The following AMZ1 variants were observed in gnomAD, a reference collection of about 807,000 sequenced individuals.
The protein encoded by AMZ1 is archaelysin family metallopeptidase 1.
In AMZ1, 39 loss-of-function variants were observed where a neutral mutation model predicts 29.9. That is an observed-to-expected ratio of 1.30 (90% CI 1.01 to 1.70). The LOEUF is 1.70. Ranked by LOEUF, AMZ1 falls within the 40% of genes most tolerant of loss-of-function variation. AMZ1 has a pLI of 0.00. For missense variants in AMZ1, 1,041 were observed against 680.6 expected (o/e 1.53, Z -5.89); for synonymous variants, 458 against 304.0 (o/e 1.51, Z -5.27).
Position 2,748,987 on chromosome 7 carries a change from T to C in AMZ1, n.551-15725T>C, listed in dbSNP as rs527285874. On this transcript the variant is annotated intron_variant and non_coding_transcript_variant, in intron 4 of 4. Transcript: ENST00000489665. ...TGCCATTTCACACCAGTTAGAATGG[T>C]GATCATTAAAAAGTCAGGAAACAAC... Among the ~76,000 whole-genome samples, 1,460 of 152,164 alleles carry C rather than the reference T, an allele frequency of 9.6e-3. 13 individuals are homozygous for C. Among genetic ancestry groups the C allele is most frequent in the Middle Eastern group, 0.075 (22 of 294 alleles).
intron 1 of AMZ1, among the ~76,000 whole-genome samples, chr7:2,694,200 C>T (rs1046767649): frequency 8.5e-5 from 13 of 152,220 alleles, no homozygotes; most frequent in African/African-American, 3.1e-4. Flanking sequence ...ACCTTCCAAT[C>T]CCTCCAGACC....
chr7:2,737,289 G>GTTTTTTTTTTTTTTTTTTTTTTTTTTT (rs11389467), intron 4 of AMZ1, among the ~76,000 whole-genome samples: 4 of 62,314 alleles, frequency 6.4e-5, no homozygotes, highest in Non-Finnish European at 9.7e-5. Flanking sequence ...TTTTTTTTTT[G>GTTTTTTTTTTTTTTTTTTTTTTTTTTT]TTTTTTTTTT....
upstream of AMZ1, among the ~76,000 whole-genome samples, chr7:2,686,157 T>C (rs1441450119): frequency 6.6e-6 from 1 of 152,138 alleles, no homozygotes; most frequent in African/African-American, 2.4e-5. Context: ...ACCATCAGGG[T>C]GTGGAGACGG....
rs9648271 is a variant in AMZ1, at chr7:2,714,451, G to A, written c.*1573G>A. 51,881 of 152,132 alleles carry A rather than the reference G, an allele frequency of 0.34. 9,443 individuals carry two copies. Among genetic ancestry groups the A allele is most frequent in the African/African-American group, 0.47 (19,360 of 41,432 alleles). The allele number at this position is 152,132 out of a possible 1,614,324, so 9.4% of individuals were successfully genotyped here. A position where few individuals can be genotyped will look rare whatever the true frequency, so the allele number is the denominator to read the frequency against. ...GCTCAGAAGTAGCATTAGGATCTTCGTCCCGTTCTCTTTTGCGTAGCTTCA... is the reference window on the plus strand; with the variant it reads ...GCTCAGAAGTAGCATTAGGATCTTCATCCCGTTCTCTTTTGCGTAGCTTCA... On this transcript the variant is annotated 3_prime_UTR_variant, in exon 7 of 7. Coordinates refer to ENST00000683327, the MANE Select transcript of AMZ1 (RefSeq NM_001384743.1).
chr7:2,710,586 A>G (rs1229107764), intron 6 of AMZ1, among the ~76,000 whole-genome samples: 1 of 152,150 alleles, frequency 6.6e-6, no homozygotes, highest in Non-Finnish European at 1.5e-5. Context: ...CTTCTGGGGT[A>G]GAGTGAGGAG....
intron 1 of AMZ1, among the ~76,000 whole-genome samples, chr7:2,698,903 C>T (rs946965745): frequency 6.6e-6 from 1 of 152,168 alleles, no homozygotes; most frequent in African/African-American, 2.4e-5. Flanking sequence ...ATAGCTGTTT[C>T]TGGTTTTCCG....
At chr7:2,735,653 T>C (rs1171025271) in intron 4 of AMZ1, among the ~76,000 whole-genome samples, 2 of 152,228 alleles carry the variant, frequency 1.3e-5, no homozygotes. Flanking sequence ...TTCTCCACGA[T>C]GACTGAATGA....
In AMZ1 at chr7:2,712,261, C is replaced by G; in HGVS notation, c.949-69C>G. 6 of 1,462,874 alleles carry G rather than the reference C, an allele frequency of 4.1e-6. No individual in the cohort carries two copies. The South Asian group carries it at 8.6e-5, about 21-fold the overall frequency. 90.6% of individuals were successfully genotyped at this position (1,462,874 alleles called of 1,614,324 possible). A position where few individuals can be genotyped will look rare whatever the true frequency, so the allele number is the denominator to read the frequency against. The stretch of plus-strand genomic sequence containing the variant: ...GTGGGGTCCCCTTAGGTAAGGAGGT[C>G]TCCTGGCAGTTCCCTGGCTAGACAA... On this transcript the variant is annotated intron_variant, in intron 6 of 6. Transcript: ENST00000683327.
At chr7:2,756,857 G>C (rs1159866803) in intron 4 of AMZ1, among the ~76,000 whole-genome samples, 2 of 152,058 alleles carry the variant, frequency 1.3e-5, no homozygotes, top group South Asian at 2.1e-4. Context: ...AGGATCCCTT[G>C]AGCCCAGGCC....
chr7:2,745,318 C>A (rs1379815319), intron 4 of AMZ1, among the ~76,000 whole-genome samples: 1 of 152,244 alleles, frequency 6.6e-6, no homozygotes, highest in Non-Finnish European at 1.5e-5. Flanking sequence ...AACAGCTGAT[C>A]TCTTGGCAGA....
At chr7:2,755,300 C>T (rs1439664554) in intron 4 of AMZ1, among the ~76,000 whole-genome samples, 2 of 152,332 alleles carry the variant, frequency 1.3e-5, no homozygotes, top group East Asian at 3.9e-4. Flanking sequence ...AAAGATCTTG[C>T]TGCGATTTTC....
chr7:2,745,493 C>T (rs904667394), intron 4 of AMZ1, among the ~76,000 whole-genome samples: 4 of 152,186 alleles, frequency 2.6e-5, no homozygotes, highest in Non-Finnish European at 4.4e-5. Flanking sequence ...ACCACCAGGC[C>T]TGCCCTAAAA....
chr7:2,682,643 C>T (rs1786924972), intron 1 of AMZ1, among the ~76,000 whole-genome samples: 1 of 152,160 alleles, frequency 6.6e-6, no homozygotes, highest in Non-Finnish European at 1.5e-5. Context: ...CCTACTGCAC[C>T]CAGGAGACCT....
intron 4 of AMZ1, chr7:2,733,422 A>G (rs1790001241): frequency 6.2e-7 from 1 of 1,607,518 alleles, no homozygotes; most frequent in South Asian, 1.1e-5. Context: ...CCTGGAGCCC[A>G]GCTTCTTCGG....
At chr7:2,708,560 A>C (rs1445957434) in intron 3 of AMZ1, 28 bp from the exon 4 acceptor site, 4 of 1,610,362 alleles carry the variant, frequency 2.5e-6, no homozygotes, top group Non-Finnish European at 2.5e-6. Context: ...CTGCCTCCTG[A>C]CCCCATCCTC....
intron 4 of AMZ1, among the ~76,000 whole-genome samples, chr7:2,735,088 C>G (rs1790097932): frequency 6.8e-6 from 1 of 147,940 alleles, no homozygotes; most frequent in South Asian, 2.2e-4. Context: ...CAGGAAGCAG[C>G]TGGGAGAAGC....
chr7:2,710,004 C>G (rs897278477), intron 6 of AMZ1, among the ~76,000 whole-genome samples, 188 bp downstream of exon 6: 7 of 152,198 alleles, frequency 4.6e-5, no homozygotes, highest in East Asian at 3.9e-4. Flanking sequence ...GGCAGTAGAT[C>G]GAGTCCTGCC....
chr7:2,694,496 A>G (rs1037683364), intron 1 of AMZ1, among the ~76,000 whole-genome samples: 2 of 152,078 alleles, frequency 1.3e-5, no homozygotes, highest in South Asian at 2.1e-4. Flanking sequence ...GATGAGGTCT[A>G]TGTTGCCCAG....
downstream of AMZ1, among the ~76,000 whole-genome samples, chr7:2,723,075 G>A (rs1273556796): frequency 6.6e-6 from 1 of 152,232 alleles, no homozygotes; most frequent in Non-Finnish European, 1.5e-5. Context: ...TTGCATGGCA[G>A]TTGTACAACC....
Sources: allele counts gnomAD v4.1 joint callset (sites outside exome capture counted in the v4.1 genomes callset), GRCh38; gene constraint gnomAD v4.1.1; transcripts MANE v1.5; gene names NCBI Gene and HGNC (gene_info 2026-07-23, HGNC 2026-07-21).